The following MAP3K9 variants were observed in gnomAD, a reference collection of about 807,000 sequenced individuals.
MAP3K9 encodes mitogen-activated protein kinase kinase kinase 9.
A neutral mutation model predicts 95.8 loss-of-function variants in MAP3K9; 46 were observed. The ratio of observed to expected loss-of-function variants is 0.48; its 90% CI spans 0.38 to 0.61. The LOEUF is 0.61. Among genes scored for constraint, MAP3K9 ranks in the 20% least tolerant of loss-of-function variants. MAP3K9 has a pLI of 0.00. For synonymous variants in MAP3K9, 533 were observed against 593.8 expected (o/e 0.90, Z 1.49); for missense variants, 1,296 against 1,474.3 (o/e 0.88, Z 1.98).
chr14:70,782,765 T>C (rs1032106494), intron 2 of MAP3K9, among the ~76,000 whole-genome samples: 1 of 152,188 alleles, frequency 6.6e-6, no homozygotes, highest in African/African-American at 2.4e-5. Flanking sequence ...ATGGGGAAGA[T>C]GAGACTTCCT....
chr14:70,771,661 G>C (rs1357195706), intron 2 of MAP3K9, among the ~76,000 whole-genome samples: 1 of 152,070 alleles, frequency 6.6e-6, no homozygotes, highest in Non-Finnish European at 1.5e-5. Context: ...CCTGGAAACT[G>C]TGTCAGTCCT....
chr14:70,752,485 C>T (rs1007539352), intron 3 of MAP3K9, among the ~76,000 whole-genome samples: 1 of 152,162 alleles, frequency 6.6e-6, no homozygotes, highest in African/African-American at 2.4e-5. Context: ...TGCACTATTA[C>T]ACTTCCTGAC....
At chr14:70,802,294 A>G (rs1176592583) in intron 1 of MAP3K9, among the ~76,000 whole-genome samples, 1 of 152,164 alleles carries the variant, frequency 6.6e-6, no homozygotes, top group African/African-American at 2.4e-5. Flanking sequence ...CTCATAAGAG[A>G]TATCTTACTC....
chr14:70,764,192 C>CAAAAAAAAAAAAAAAAAAAA (rs71105731), intron 2 of MAP3K9, among the ~76,000 whole-genome samples: 2 of 29,850 alleles, frequency 6.7e-5, no homozygotes, highest in Non-Finnish European at 1.2e-4. Context: ...GACTCCGTCT[C>CAAAAAAAAAAAAAAAAAAAA]AAAAAAAAAA....
intron 2 of MAP3K9, among the ~76,000 whole-genome samples, chr14:70,771,644 G>A (rs1474170250): frequency 6.6e-6 from 1 of 152,094 alleles, no homozygotes; most frequent in African/African-American, 2.4e-5. Context: ...CCTGGAGTCT[G>A]TAACTCCCTG....
At chr14:70,755,275 A>C (rs931404062) in intron 3 of MAP3K9, among the ~76,000 whole-genome samples, 2 of 152,202 alleles carry the variant, frequency 1.3e-5, no homozygotes, top group Non-Finnish European at 2.9e-5. Context: ...GCCCTCCCTG[A>C]GACACCCTGC....
chr14:70,736,592 C>T (rs374923317), intron 8 of MAP3K9, among the ~76,000 whole-genome samples: 4 of 151,888 alleles, frequency 2.6e-5, no homozygotes, highest in African/African-American at 7.3e-5. Flanking sequence ...AAGAAAATTC[C>T]GAAGTTAATA....
chr14:70,790,478 G>A (rs8020663), intron 2 of MAP3K9, among the ~76,000 whole-genome samples: 45,441 of 152,004 alleles, frequency 0.3, 7,059 homozygotes, highest in Admixed American at 0.34. Context: ...AAGGCCACCC[G>A]GCCAGTCAGT....
intron 3 of MAP3K9, among the ~76,000 whole-genome samples, chr14:70,757,095 C>T (rs1324880133): frequency 1.3e-5 from 2 of 151,980 alleles, no homozygotes; most frequent in African/African-American, 4.8e-5. Context: ...TATACAGATG[C>T]TACAAAACAT....
intron 2 of MAP3K9, among the ~76,000 whole-genome samples, chr14:70,787,099 A>C (rs1428238461): frequency 6.6e-6 from 1 of 152,204 alleles, no homozygotes; most frequent in Non-Finnish European, 1.5e-5. Context: ...TGCACACTGG[A>C]ATCTAGCATA....
chr14:70,752,024 A>C (rs903099791), intron 3 of MAP3K9, among the ~76,000 whole-genome samples: 2 of 152,116 alleles, frequency 1.3e-5, no homozygotes, highest in Non-Finnish European at 2.9e-5. Flanking sequence ...CAAATGTCCC[A>C]CCATTTATTC....
Position 70,809,070 on chromosome 14 carries a change from C to T in MAP3K9, c.102G>A (p.Glu34=). ...CCGCCGCCGCCGCCTCCTCCTCCTC[C>T]TCCTCCTCCTCCTCGGCCCCGGCCC... ...GAGAGAEEEE[E]EEEEAAAAVG... Residue 34 remains glutamate (E), a synonymous_variant, in exon 1 of 12, where the codon GAG becomes GAA. Coordinates refer to ENST00000554752, the MANE Select transcript of MAP3K9 (RefSeq NM_001284230.2). 6.9e-7 allele frequency: 1 copy of T among 1,445,150 alleles called. No homozygotes were observed. The highest frequency in any genetic ancestry group is 9.0e-7 in the Non-Finnish European group (1 of 1,105,868). 89.5% of individuals were successfully genotyped at this position (1,445,150 alleles called of 1,614,324 possible). A position where few individuals can be genotyped will look rare whatever the true frequency, so the allele number is the denominator to read the frequency against.
At chr14:70,749,754 C>A in intron 4 of MAP3K9, 179 bp downstream of exon 4, 2 of 634,756 alleles carry the variant, frequency 3.2e-6, no homozygotes, top group Non-Finnish European at 2.7e-6. Context: ...TGACTGCTTG[C>A]AGCAGGGTGT....
At chr14:70,746,999 G>A (rs937361765) in intron 5 of MAP3K9, among the ~76,000 whole-genome samples, 1 of 152,132 alleles carries the variant, frequency 6.6e-6, no homozygotes, top group African/African-American at 2.4e-5. Context: ...CACCCACCAG[G>A]GACCCTAAAG....
At chr14:70,802,803 C>G (rs1259108391) in intron 1 of MAP3K9, among the ~76,000 whole-genome samples, 1 of 152,204 alleles carries the variant, frequency 6.6e-6, no homozygotes. Context: ...GCCCTATTCA[C>G]CACTGCACTT....
chr14:70,801,131 C>G (rs375767355), intron 1 of MAP3K9, 51 bp from the exon 2 acceptor site: 1 of 1,532,016 alleles, frequency 6.5e-7, no homozygotes, highest in Admixed American at 1.9e-5. Context: ...TTGAAAACAT[C>G]GTATTTAACC....
intron 2 of MAP3K9, among the ~76,000 whole-genome samples, chr14:70,771,037 T>C (rs2054525135): frequency 3.3e-5 from 5 of 152,082 alleles, no homozygotes; most frequent in Admixed American, 1.3e-4. Context: ...GATTCTGTGA[T>C]ATAAAGGGAT....
chr14:70,800,646 G>A (rs1265762047), intron 2 of MAP3K9, 21 bp downstream of exon 2: 1 of 1,604,528 alleles, frequency 6.2e-7, no homozygotes, highest in Non-Finnish European at 8.5e-7. Flanking sequence ...AGCCCCTCCA[G>A]CCCCATCTCT....
At position 70,724,300 on chromosome 14, in the gene MAP3K9, A is replaced by C. The variant is rs982154659; in HGVS notation, c.*6080T>G. On this transcript the variant is annotated 3_prime_UTR_variant, in exon 12 of 12. Coordinates refer to ENST00000554752, the MANE Select transcript of MAP3K9 (RefSeq NM_001284230.2). ...AAGGAAATGTCACACCCAGGTATAG[A>C]TCCAAAGTTAAAAGCTCCTAGATGT... The C allele has an allele frequency of 6.6e-6, 1 of 152,202 alleles. No homozygotes were observed. Among genetic ancestry groups the C allele is most frequent in the Non-Finnish European group, 1.5e-5 (1 of 68,058 alleles). 9.4% of individuals were successfully genotyped at this position (152,202 alleles called of 1,614,324 possible).
Sources: gnomAD v4.1 joint callset for allele counts (sites outside exome capture counted in the v4.1 genomes callset) on GRCh38, gnomAD v4.1.1 for gene constraint, MANE v1.5 for transcripts, NCBI Gene and HGNC (gene_info 2026-07-23, HGNC 2026-07-21) for gene names.